PTPN13: variants seen among roughly 807,000 people sequenced by gnomAD.
PTPN13 encodes tyrosine-protein phosphatase non-receptor type 13.
PTPN13 carries 191 observed loss-of-function variants against 284.0 expected under a neutral mutation model. That is an observed-to-expected ratio of 0.67 (90% CI 0.60 to 0.76). The LOEUF is 0.76. Ranked by LOEUF, PTPN13 falls within the 30% of genes least tolerant of loss-of-function variation. The pLI, the probability that PTPN13 is intolerant of heterozygous loss-of-function variation, is 0.00. For synonymous variants in PTPN13, 986 were observed against 1,022.3 expected, an observed-to-expected ratio of 0.96 and a Z score of 0.68; for missense variants, 2,797 against 2,939.9, an observed-to-expected ratio of 0.95 and a Z score of 1.12.
intron 1 of PTPN13, among the ~76,000 whole-genome samples, chr4:86,611,418 T>C (rs1719870875): frequency 6.6e-6 from 1 of 152,218 alleles, no homozygotes; most frequent in African/African-American, 2.4e-5. Context: ...CAGGGATGAT[T>C]GAACTGGGAT....
chr4:86,795,315 A>C (rs1017752195), intron 40 of PTPN13, among the ~76,000 whole-genome samples: 4 of 152,270 alleles, frequency 2.6e-5, no homozygotes, highest in African/African-American at 7.2e-5. Flanking sequence ...TCATCAGAGA[A>C]ATGCAAATCA....
At chr4:86,785,537 A>G (rs13108581) in intron 39 of PTPN13, among the ~76,000 whole-genome samples, 169 bp downstream of exon 39, 15,121 of 152,034 alleles carry the variant, frequency 0.099, 869 homozygotes, top group Non-Finnish European at 0.11. Context: ...TTTATTTTCC[A>G]TATTTGTAAG....
chr4:86,647,825 A>G (rs939579446), intron 2 of PTPN13, among the ~76,000 whole-genome samples: 2 of 152,118 alleles, frequency 1.3e-5, no homozygotes, highest in Non-Finnish European at 2.9e-5. Flanking sequence ...GAAGATGGCC[A>G]TCTATAAGCC....
At chr4:86,812,340 C>T (rs1226485364) in intron 47 of PTPN13, among the ~76,000 whole-genome samples, 1 of 146,860 alleles carries the variant, frequency 6.8e-6, no homozygotes, top group Non-Finnish European at 1.5e-5. Context: ...AAAAGGAACT[C>T]TTCTAGGTGC....
At chr4:86,655,862 A>G (rs375124543) in intron 2 of PTPN13, among the ~76,000 whole-genome samples, 10 of 152,262 alleles carry the variant, frequency 6.6e-5, no homozygotes, top group East Asian at 3.9e-4. Context: ...CATTCTCCCC[A>G]TCACTTTCAG....
intron 2 of PTPN13, among the ~76,000 whole-genome samples, chr4:86,654,153 G>T (rs912258178): frequency 1.3e-5 from 2 of 152,040 alleles, no homozygotes; most frequent in Non-Finnish European, 2.9e-5. Flanking sequence ...CTAGCAGAAG[G>T]CAAGAAATAA....
chr4:86,789,143 A>G, intron 40 of PTPN13, among the ~76,000 whole-genome samples: 1 of 152,254 alleles, frequency 6.6e-6, no homozygotes, highest in Non-Finnish European at 1.5e-5. Flanking sequence ...ACCTAAAAAG[A>G]TAGGCAAGGT....
intron 36 of PTPN13, among the ~76,000 whole-genome samples, chr4:86,781,626 G>T (rs953093675): frequency 2.0e-5 from 3 of 152,162 alleles, no homozygotes; most frequent in African/African-American, 7.2e-5. Context: ...TATAATCAGT[G>T]TATCACATGA....
intron 2 of PTPN13, among the ~76,000 whole-genome samples, chr4:86,644,576 G>T (rs1690627840): frequency 6.6e-6 from 1 of 152,184 alleles, no homozygotes; most frequent in Non-Finnish European, 1.5e-5. Flanking sequence ...ACATTGAAGA[G>T]AAGGATGTAC....
At chr4:86,644,288 C>T (rs901976183) in intron 2 of PTPN13, among the ~76,000 whole-genome samples, 7 of 152,024 alleles carry the variant, frequency 4.6e-5, no homozygotes, top group African/African-American at 1.2e-4. Flanking sequence ...TGTGCTACCA[C>T]GCTCGGCCAA....
chr4:86,674,675 C>T (rs1392295360), intron 3 of PTPN13, among the ~76,000 whole-genome samples: 2 of 152,044 alleles, frequency 1.3e-5, no homozygotes, highest in East Asian at 1.9e-4. Context: ...AGGGGTAATG[C>T]TTAAGGCATT....
intron 3 of PTPN13, among the ~76,000 whole-genome samples, chr4:86,685,343 T>C (rs1278311654): frequency 6.6e-6 from 1 of 152,130 alleles, no homozygotes; most frequent in African/African-American, 2.4e-5. Flanking sequence ...GTGAGGTGGT[T>C]CTCGCCTATA....
chr4:86,613,306 A>C (rs1720139358), intron 1 of PTPN13, among the ~76,000 whole-genome samples: 1 of 152,218 alleles, frequency 6.6e-6, no homozygotes, highest in African/African-American at 2.4e-5. Context: ...TGTTTGCACA[A>C]ATAGTTTAGA....
intron 44 of PTPN13, among the ~76,000 whole-genome samples, chr4:86,806,440 A>G (rs892992803): frequency 2.0e-5 from 3 of 152,212 alleles, no homozygotes; most frequent in African/African-American, 7.2e-5. Context: ...TAATAATGCA[A>G]TTGTATTTTT....
intron 23 of PTPN13, among the ~76,000 whole-genome samples, chr4:86,762,226 A>G (rs1223159540): frequency 6.6e-6 from 1 of 151,586 alleles, no homozygotes; most frequent in Non-Finnish European, 1.5e-5. Flanking sequence ...GCCTGCCTCA[A>G]CCTCCCAAAG....
Position 86,635,307 on chromosome 4 carries a change from G to T in PTPN13, c.51G>T (p.Gln17His). 1.9e-6 allele frequency: 3 copies of T among 1,608,254 alleles called. No individual in the cohort carries two copies. The South Asian group carries it at 3.4e-5, about 18-fold the overall frequency. ...TGGAGGTTCGGGGTGGACCACTTCAGGAGGAAGAAATATGGGCTGTATTAA... is the reference window on the plus strand; with the variant it reads ...TGGAGGTTCGGGGTGGACCACTTCATGAGGAAGAAATATGGGCTGTATTAA... Reference protein sequence around the residue: ...EALEVRGGPLQEEEIWAVLNQ... With the variant: ...EALEVRGGPLHEEEIWAVLNQ... The change falls in exon 2 of 48, where the codon CAG becomes CAT. Residue 17 changes from glutamine (Q) to histidine (H), a missense_variant. Physicochemically the swap from Gln to His is conservative, Grantham distance 24. Transcript: ENST00000411767.
At chr4:86,671,894 A>G (rs1727756768) in intron 2 of PTPN13, among the ~76,000 whole-genome samples, 1 of 152,220 alleles carries the variant, frequency 6.6e-6, no homozygotes. Flanking sequence ...AATGGGTTAT[A>G]AGTAGATCCA....
At chr4:86,681,816 T>G (rs954460802) in intron 3 of PTPN13, among the ~76,000 whole-genome samples, 8 of 151,824 alleles carry the variant, frequency 5.3e-5, no homozygotes, top group African/African-American at 1.9e-4. Context: ...TAATCCCAGC[T>G]ACTCAAGAGG....
chr4:86,639,528 G>A (rs1335831628), intron 2 of PTPN13, among the ~76,000 whole-genome samples: 1 of 152,120 alleles, frequency 6.6e-6, no homozygotes, highest in Non-Finnish European at 1.5e-5. Flanking sequence ...GTCCTTTGTA[G>A]GGACATGGAT....
Sources: gnomAD v4.1 joint callset for allele counts (sites outside exome capture counted in the v4.1 genomes callset) on GRCh38, gnomAD v4.1.1 for gene constraint, MANE v1.5 for transcripts, NCBI Gene and HGNC (gene_info 2026-07-23, HGNC 2026-07-21) for gene names.